RIN2: variants seen among roughly 807,000 people sequenced by gnomAD.
RIN2 encodes the protein RAB5 interacting protein 2.
In RIN2, 36 loss-of-function variants were observed where a neutral mutation model predicts 78.0. The ratio of observed to expected loss-of-function variants is 0.46; its 90% CI spans 0.35 to 0.61. The LOEUF is 0.61. Ranked by LOEUF, RIN2 falls within the 20% of genes least tolerant of loss-of-function variation. RIN2 has a pLI of 0.00. For missense variants in RIN2, 1,087 were observed against 1,159.7 expected, an observed-to-expected ratio of 0.94 and a Z score of 0.91; for synonymous variants, 466 against 466.8, an observed-to-expected ratio of 1.00 and a Z score of 0.02.
chr20:19,818,509 G>A (rs781409971), intron 2 of RIN2, among the ~76,000 whole-genome samples: 13 of 152,120 alleles, frequency 8.5e-5, no homozygotes, highest in Non-Finnish European at 1.6e-4. Flanking sequence ...CAAGGTGGGC[G>A]GATCACAAGG....
At chr20:19,942,695 G>T (rs923206637) in intron 4 of RIN2, among the ~76,000 whole-genome samples, 76 of 152,136 alleles carry the variant, frequency 5.0e-4, no homozygotes, top group African/African-American at 1.8e-3. Context: ...GACCTACAAG[G>T]TGTTTTTGAT....
intron 2 of RIN2, among the ~76,000 whole-genome samples, chr20:19,886,092 T>G (rs1305324718): frequency 6.6e-6 from 1 of 152,236 alleles, no homozygotes; most frequent in Non-Finnish European, 1.5e-5. Flanking sequence ...AGATCTGGCC[T>G]GTGGCCCGGC....
At chr20:19,914,815 C>T (rs1240573505) in intron 3 of RIN2, among the ~76,000 whole-genome samples, 2 of 152,200 alleles carry the variant, frequency 1.3e-5, no homozygotes, top group Non-Finnish European at 2.9e-5. Context: ...GTTTGAGAAA[C>T]ACCAGTCTTG....
intron 4 of RIN2, among the ~76,000 whole-genome samples, chr20:19,953,474 C>A (rs2041409459): frequency 1.3e-5 from 2 of 151,910 alleles, no homozygotes; most frequent in African/African-American, 4.8e-5. Context: ...GGGTCTTGCT[C>A]TGTTGCCCAG....
intron 1 of RIN2, among the ~76,000 whole-genome samples, chr20:19,767,165 A>G (rs962793061): frequency 1.3e-5 from 2 of 152,200 alleles, no homozygotes; most frequent in Admixed American, 1.3e-4. Context: ...AGGTTCAACA[A>G]ATATGGACAG....
intron 4 of RIN2, among the ~76,000 whole-genome samples, chr20:19,936,425 C>G (rs2040647524): frequency 6.8e-6 from 1 of 146,926 alleles, no homozygotes; most frequent in African/African-American, 2.5e-5. Context: ...ATTTCTCTAT[C>G]CTGTGCCTTG....
At chr20:19,877,326 T>C (rs60495515) in intron 2 of RIN2, among the ~76,000 whole-genome samples, 29,436 of 152,120 alleles carry the variant, frequency 0.19, 3,159 homozygotes, top group Middle Eastern at 0.37. Context: ...TGTGCATATC[T>C]CAGACACAAG....
intron 2 of RIN2, chr20:19,886,816 G>C: frequency 7.5e-7 from 1 of 1,335,804 alleles, no homozygotes; most frequent in Non-Finnish European, 1.0e-6. Flanking sequence ...CCTGTTACTG[G>C]GATGGTTTTA....
intron 1 of RIN2, among the ~76,000 whole-genome samples, chr20:19,782,459 G>T (rs1365512359): frequency 6.6e-6 from 1 of 151,928 alleles, no homozygotes; most frequent in Non-Finnish European, 1.5e-5. Context: ...CAGCTACTTG[G>T]GTGGCTGAGG....
intron 1 of RIN2, among the ~76,000 whole-genome samples, chr20:19,798,168 A>G (rs2035121924): frequency 1.3e-5 from 2 of 152,140 alleles, no homozygotes; most frequent in African/African-American, 4.8e-5. Context: ...CTTAATCTTT[A>G]GAGCAATGCT....
intron 2 of RIN2, among the ~76,000 whole-genome samples, chr20:19,826,877 C>T (rs1394915767): frequency 2.0e-5 from 3 of 151,864 alleles, no homozygotes; most frequent in East Asian, 1.9e-4. Context: ...TGTCAACTCC[C>T]TATTTGAAAT....
intron 2 of RIN2, among the ~76,000 whole-genome samples, chr20:19,888,892 C>G (rs1166244581): frequency 1.3e-5 from 2 of 152,226 alleles, no homozygotes; most frequent in African/African-American, 4.8e-5. Context: ...GCCCAAAAAG[C>G]TACAGTTAGA....
chr20:19,899,931 A>G (rs1227711027), intron 3 of RIN2, among the ~76,000 whole-genome samples: 3 of 152,198 alleles, frequency 2.0e-5, no homozygotes, highest in African/African-American at 7.2e-5. Flanking sequence ...GGAGCGCAAC[A>G]TAGAAAAACA....
intron 2 of RIN2, among the ~76,000 whole-genome samples, chr20:19,831,831 A>C (rs2036259831): frequency 6.6e-6 from 1 of 152,224 alleles, no homozygotes; most frequent in African/African-American, 2.4e-5. Flanking sequence ...GTAATAGTTC[A>C]TATCACCCTA....
At chr20:19,909,446 A>C (rs2039366160) in intron 3 of RIN2, among the ~76,000 whole-genome samples, 1 of 152,206 alleles carries the variant, frequency 6.6e-6, no homozygotes, top group Non-Finnish European at 1.5e-5. Context: ...ACTGAAATTG[A>C]AATCATTCCT....
intron 2 of RIN2, among the ~76,000 whole-genome samples, chr20:19,828,994 G>A (rs1008537043): frequency 1.3e-5 from 2 of 152,168 alleles, no homozygotes; most frequent in Admixed American, 6.5e-5. Flanking sequence ...ATTTCACCAC[G>A]TTTAATATAC....
intron 2 of RIN2, among the ~76,000 whole-genome samples, chr20:19,872,694 C>T (rs922070481): frequency 2.0e-5 from 3 of 152,162 alleles, no homozygotes; most frequent in Non-Finnish European, 4.4e-5. Flanking sequence ...TATACATGTT[C>T]AGTCTTAAAG....
At chr20:19,917,561 A>T (rs1389509497) in intron 3 of RIN2, among the ~76,000 whole-genome samples, 1 of 152,252 alleles carries the variant, frequency 6.6e-6, no homozygotes, top group Non-Finnish European at 1.5e-5. Flanking sequence ...GCATCTTGAC[A>T]CTAATGCATT....
chr20:19,815,672 A>ATTT (rs2035745241), intron 2 of RIN2, among the ~76,000 whole-genome samples: 6 of 152,120 alleles, frequency 3.9e-5, no homozygotes, highest in Admixed American at 3.9e-4. Flanking sequence ...CTTTGAGTTA[A>ATTT]TGTGAATCAC....
Sources: gnomAD v4.1 joint callset for allele counts (sites outside exome capture counted in the v4.1 genomes callset) on GRCh38, gnomAD v4.1.1 for gene constraint, MANE v1.5 for transcripts, NCBI Gene and HGNC (gene_info 2026-07-23, HGNC 2026-07-21) for gene names.